The following SPTLC3 variants were observed in gnomAD, a reference collection of about 807,000 sequenced individuals.
The protein encoded by SPTLC3 is serine palmitoyltransferase long chain base subunit 3.
In SPTLC3, 36 loss-of-function variants were observed where a neutral mutation model predicts 59.3. The observed-to-expected ratio is 0.61, with a 90% confidence interval of 0.47 to 0.80. SPTLC3 has a LOEUF of 0.80. Ranked by LOEUF, SPTLC3 falls within the 30% of genes least tolerant of loss-of-function variation. The probability of loss-of-function intolerance (pLI) is 0.00; values close to 1 mark genes in which losing one functional copy is unlikely to be tolerated. For missense variants in SPTLC3, 625 were observed against 685.1 expected (o/e 0.91, Z 0.98); for synonymous variants, 257 against 240.8 (o/e 1.07, Z -0.62).
At chr20:13,086,859 T>A (rs1989022146) in intron 4 of SPTLC3, among the ~76,000 whole-genome samples, 1 of 152,144 alleles carries the variant, frequency 6.6e-6, no homozygotes, top group Non-Finnish European at 1.5e-5. Context: ...AGTGGTGTGA[T>A]CATAGCTCAC....
Position 13,079,115 on chromosome 20 carries a change from A to C in SPTLC3, c.607+4618A>C, listed in dbSNP as rs845730. Among the ~76,000 whole-genome samples, 514 of 152,290 alleles carry C rather than the reference A, an allele frequency of 3.4e-3. 1 individual carries two copies. The highest frequency in any genetic ancestry group is 0.011 in the African/African-American group (473 of 41,574). On this transcript the variant is annotated intron_variant, in intron 4 of 11. Transcript: ENST00000399002. The stretch of plus-strand genomic sequence containing the variant: ...ACTACAAAACTTTTATAAAAGACTT[A>C]ACAGAAGACATTTATAAAAAAAGAC...
At chr20:13,100,250 G>A (rs1315586235) in intron 6 of SPTLC3, among the ~76,000 whole-genome samples, 4 of 152,106 alleles carry the variant, frequency 2.6e-5, no homozygotes, top group Non-Finnish European at 5.9e-5. Flanking sequence ...AAATAGGCTT[G>A]ACCATTAACT....
At position 13,165,813 on chromosome 20, in the gene SPTLC3, G is replaced by C. The variant is rs900780173; in HGVS notation, c.*946G>C. 1 of 152,130 alleles carries C rather than the reference G, an allele frequency of 6.6e-6. No individual in the cohort carries two copies. The highest frequency in any genetic ancestry group is 1.5e-5 in the Non-Finnish European group (1 of 68,028). 9.4% of individuals were successfully genotyped at this position (152,130 alleles called of 1,614,324 possible). On this transcript the variant is annotated 3_prime_UTR_variant, in exon 12 of 12. Transcript: ENST00000399002. ...TTTGAAGAATGCATTGATTCAAGAA[G>C]GACATTTAAAAGCAAATTCTGACTT...
chr20:13,149,450 G>T (rs1347501345), intron 9 of SPTLC3, among the ~76,000 whole-genome samples: 1 of 152,212 alleles, frequency 6.6e-6, no homozygotes, highest in East Asian at 1.9e-4. Context: ...CGTTTTATAG[G>T]TACAAATTCC....
rs543997722 is a variant in SPTLC3 at position 13,141,155 on chromosome 20, T to C, written c.1280-12848T>C. Among the ~76,000 whole-genome samples the C allele has an allele frequency of 5.3e-5, 8 of 152,378 alleles. No homozygotes were observed. In the South Asian group the frequency reaches 1.7e-3, roughly 32 times the overall value. On this transcript the variant is annotated intron_variant, in intron 9 of 11. Coordinates refer to ENST00000399002, the MANE Select transcript of SPTLC3 (RefSeq NM_018327.4). ...ATTAGCTCTTAAGAGAGGAATTTTC[T>C]CTTTCCTACTGTTTATTTTTGACAT...
intron 1 of SPTLC3, among the ~76,000 whole-genome samples, chr20:13,022,929 G>A (rs1352860961): frequency 1.3e-5 from 2 of 152,092 alleles, no homozygotes; most frequent in Non-Finnish European, 2.9e-5. Flanking sequence ...CCACAGCCTG[G>A]CCAGATCATC....
chr20:13,146,917 G>T (rs2038524811), intron 9 of SPTLC3, among the ~76,000 whole-genome samples: 1 of 152,206 alleles, frequency 6.6e-6, no homozygotes, highest in Non-Finnish European at 1.5e-5. Context: ...ATGCCTTCAT[G>T]ATCTCCAAGC....
At position 13,160,065 on chromosome 20, in the gene SPTLC3, C is replaced by T. The variant is rs762327299; in HGVS notation, c.1478C>T (p.Thr493Ile). The T allele has an allele frequency of 3.1e-6, 5 of 1,613,812 alleles. No individual in the cohort carries two copies. In the Admixed American group the frequency reaches 6.7e-5, roughly 22 times the overall value. Residue 493 changes from threonine (T) to isoleucine (I), a missense_variant, in exon 11 of 12, where the codon ACT (threonine) becomes ATT (isoleucine). By Grantham distance (89) the Thr-to-Ile change is moderately conservative. Coordinates refer to ENST00000399002, the MANE Select transcript of SPTLC3 (RefSeq NM_018327.4). ...GTGGTGGTCGTGGGATTTCCAGCCA[C>T]TCCCCTCGCAGAAGCTCGGGCTCGG... ...IGVVVVGFPA[T>I]PLAEARARFC... is the part of the protein sequence containing the mutation.
rs955652241 is a variant in SPTLC3 at position 13,009,289 on chromosome 20, G to A, written c.22G>A (p.Ala8Thr). Reference protein sequence around the residue: MANPGGGAVCNGKLHNHK... With the variant: MANPGGGTVCNGKLHNHK... ...ACCCATGGCTAACCCTGGAGGTGGT[G>A]CTGTTTGCAACGGGAAACTTCACAA... The change falls in exon 1 of 12, where the codon GCT becomes ACT. Residue 8 changes from alanine (A) to threonine (T), a missense_variant. Coordinates refer to ENST00000399002, the MANE Select transcript of SPTLC3 (RefSeq NM_018327.4). 1.1e-5 allele frequency: 17 copies of A among 1,613,950 alleles called. No homozygotes were observed. The highest frequency in any genetic ancestry group is 1.4e-5 in the Non-Finnish European group (17 of 1,179,974).
At chr20:13,125,461 C>T (rs971841657) in intron 8 of SPTLC3, among the ~76,000 whole-genome samples, 9 of 152,194 alleles carry the variant, frequency 5.9e-5, no homozygotes, top group Non-Finnish European at 2.9e-5. Flanking sequence ...CATGCTGCCT[C>T]CATTCGTTTT....
At position 13,164,777 on chromosome 20, in the gene SPTLC3, G is replaced by A. The variant is rs775013379; in HGVS notation, c.1569G>A (p.Met523Ile). 1.2e-6 allele frequency: 2 copies of A among 1,613,674 alleles called. No homozygotes were observed. Among genetic ancestry groups the A allele is most frequent in the South Asian group, 2.2e-5 (2 of 91,004 alleles). Reference protein sequence around the residue: ...LDTVLEALDEMGDLLQLKYSR... With the variant: ...LDTVLEALDEIGDLLQLKYSR... ...AGGTTTTAGAAGCTCTTGATGAAAT[G>A]GGTGATCTCTTGCAACTGAAATATT... Residue 523 changes from methionine (M) to isoleucine (I), a missense_variant, in exon 12 of 12, where the codon ATG (methionine) becomes ATA (isoleucine). Met to Ile is a conservative substitution (Grantham distance 10, BLOSUM62 1). Coordinates refer to ENST00000399002, the MANE Select transcript of SPTLC3 (RefSeq NM_018327.4).
At chr20:13,157,756 G>A (rs550601819) in intron 10 of SPTLC3, among the ~76,000 whole-genome samples, 1 of 152,178 alleles carries the variant, frequency 6.6e-6, no homozygotes, top group Non-Finnish European at 1.5e-5. Flanking sequence ...GCTGGCAAGA[G>A]TTTGCCCTGC....
intron 1 of SPTLC3, among the ~76,000 whole-genome samples, chr20:13,010,991 C>G (rs646334): frequency 2.0e-5 from 3 of 152,008 alleles, no homozygotes; most frequent in African/African-American, 7.3e-5. Flanking sequence ...TCCCTAAGAA[C>G]GGTCGAAAAC....
In SPTLC3 at chr20:13,027,994, C is replaced by T. The variant is rs1014754090; in HGVS notation, c.117+18610C>T. On this transcript the variant is annotated intron_variant, in intron 1 of 11. Coordinates refer to ENST00000399002, the MANE Select transcript of SPTLC3 (RefSeq NM_018327.4). ...CTCTATTCTTAAAATCTTGACATTA[C>T]GAATGGTTAATTCTAGACCCAGCAA... Among the ~76,000 whole-genome samples the T allele has an allele frequency of 4.6e-5, 7 of 152,298 alleles. No individual in the cohort carries two copies. The East Asian group carries it at 1.2e-3, about 25-fold the overall frequency.
chr20:13,102,087 A>G (rs775813596), intron 6 of SPTLC3, among the ~76,000 whole-genome samples: 23 of 152,212 alleles, frequency 1.5e-4, no homozygotes, highest in Non-Finnish European at 2.9e-4. Flanking sequence ...AAAGAAGGCC[A>G]GTGTTTGCCA....
At chr20:13,115,379 A>G (rs1450332723) in intron 7 of SPTLC3, among the ~76,000 whole-genome samples, 1 of 152,136 alleles carries the variant, frequency 6.6e-6, no homozygotes, top group African/African-American at 2.4e-5. Flanking sequence ...GAAGAAATAT[A>G]AACCAGGTGG....
At chr20:13,102,536 T>G (rs1989640936) in intron 6 of SPTLC3, among the ~76,000 whole-genome samples, 2 of 152,188 alleles carry the variant, frequency 1.3e-5, no homozygotes, top group Non-Finnish European at 1.5e-5. Context: ...CCTGGCCTTT[T>G]CTACCCTCTG....
intron 1 of SPTLC3, among the ~76,000 whole-genome samples, chr20:13,046,285 T>C (rs1221718003): frequency 6.6e-6 from 1 of 152,154 alleles, no homozygotes; most frequent in Non-Finnish European, 1.5e-5. Context: ...CTTCCTTTTC[T>C]CCTACATTCC....
At chr20:13,049,270 C>T (rs1987371143) in intron 2 of SPTLC3, 140 bp downstream of exon 2, 1 of 938,542 alleles carries the variant, frequency 1.1e-6, no homozygotes, top group Non-Finnish European at 1.7e-6. Context: ...TCATCTCCAC[C>T]TCCTAAACCC....
Sources: allele counts gnomAD v4.1 joint callset (sites outside exome capture counted in the v4.1 genomes callset), GRCh38; gene constraint gnomAD v4.1.1; transcripts MANE v1.5; gene names NCBI Gene and HGNC (gene_info 2026-07-23, HGNC 2026-07-21).